Variants in ITIH4 observed in about 807,000 individuals in gnomAD.
The protein encoded by ITIH4 is inter-alpha-trypsin inhibitor heavy chain H4.
In ITIH4, 79 loss-of-function variants were observed where a neutral mutation model predicts 111.8. That is an observed-to-expected ratio of 0.71 (90% CI 0.59 to 0.85). ITIH4 has a LOEUF of 0.85. Ranked by LOEUF, ITIH4 falls within the 40% of genes least tolerant of loss-of-function variation. ITIH4 has a pLI of 0.00. For missense variants in ITIH4, 1,065 were observed against 1,195.8 expected, an observed-to-expected ratio of 0.89 and a Z score of 1.61; for synonymous variants, 472 against 468.3, an observed-to-expected ratio of 1.01 and a Z score of -0.10.
At position 52,820,301 on chromosome 3, in the gene ITIH4, A is replaced by G. The variant is rs754532542; in HGVS notation, c.1851T>C (p.Asn617=). The change falls in exon 14 of 24, where the codon AAT becomes AAC. Residue 617 remains asparagine (N), a synonymous_variant. Coordinates refer to ENST00000266041, the MANE Select transcript of ITIH4 (RefSeq NM_002218.5). Reference sequence around the variant, plus strand: ...ATGTTCGCTGCTTACCTGAGTGGACATTCCTGTTTCTACTTTCTGGATAAA... The same window carrying G: ...ATGTTCGCTGCTTACCTGAGTGGACGTTCCTGTTTCTACTTTCTGGATAAA... ...KPMEGESRNR[N]VHSGSTFFKY... 4 of 1,614,076 alleles carry G rather than the reference A, an allele frequency of 2.5e-6. No individual in the cohort carries two copies. The South Asian group carries it at 4.4e-5, about 18-fold the overall frequency.
In ITIH4 at chr3:52,830,507, G is replaced by A. The variant is rs776385591; in HGVS notation, c.90+46C>T. On this transcript the variant is annotated intron_variant, in intron 1 of 23. Transcript: ENST00000266041. ...GGAGGCTCTTCCCCACTTCCCAGGC[G>A]TTCTCTCATCCCCCAGCTCACGCCA... 1.1e-4 allele frequency: 171 copies of A among 1,562,066 alleles called. 1 individual carries two copies. Among genetic ancestry groups the A allele is most frequent in the Non-Finnish European group, 1.2e-4 (139 of 1,133,016 alleles).
Position 52,823,878 on chromosome 3 carries a change from T to A in ITIH4, c.1298A>T (p.Asn433Ile). The A allele has an allele frequency of 6.2e-7, 1 of 1,613,810 alleles. No homozygotes were observed. Among genetic ancestry groups the A allele is most frequent in the Non-Finnish European group, 8.5e-7 (1 of 1,179,960 alleles). ...YAFLEKLALD[N>I]GGLARRIHED... is the part of the protein sequence containing the mutation. The stretch of plus-strand genomic sequence containing the variant: ...ATGGATGCGCCGGGCCAGGCCGCCA[T>A]TGTCCAGTGCCAGCTTCTCCAGGAA... Residue 433 changes from asparagine to isoleucine, a missense_variant, in exon 10 of 24, where the codon AAT (asparagine) becomes ATT (isoleucine). By Grantham distance (149) the Asn-to-Ile change is moderately radical. Transcript: ENST00000266041.
intron 2 of ITIH4, among the ~76,000 whole-genome samples, chr3:52,827,541 C>T (rs1700504288): frequency 6.6e-6 from 1 of 152,242 alleles, no homozygotes; most frequent in Admixed American, 6.5e-5. Context: ...ACATTCCCAC[C>T]TGCCCCTTCC....
intron 21 of ITIH4, among the ~76,000 whole-genome samples, chr3:52,815,031 G>A (rs1447881383): frequency 6.6e-6 from 1 of 152,148 alleles, no homozygotes; most frequent in African/African-American, 2.4e-5. Flanking sequence ...ATGTCTAAAG[G>A]ATAGGCCTCT....
At position 52,824,778 on chromosome 3, in the gene ITIH4, C is replaced by G; in HGVS notation, c.876+64G>C. 1 of 1,396,144 alleles carries G rather than the reference C, an allele frequency of 7.2e-7. No individual in the cohort carries two copies. The highest frequency in any genetic ancestry group is 1.0e-6 in the Non-Finnish European group (1 of 1,002,962). 86.5% of individuals were successfully genotyped at this position (1,396,144 alleles called of 1,614,324 possible). On this transcript the variant is annotated intron_variant, in intron 7 of 23. Coordinates refer to ENST00000266041, the MANE Select transcript of ITIH4 (RefSeq NM_002218.5). This position sits in a 1 kb window ranked among gnomAD's most constrained non-coding sequence, Gnocchi z 4.3. ...GAAGCAAGGGGGTCTGCCTGCCGGACCACAGCTGATAGCGTGAAGGGCCTG... is the reference window on the plus strand; with the variant it reads ...GAAGCAAGGGGGTCTGCCTGCCGGAGCACAGCTGATAGCGTGAAGGGCCTG...
chr3:52,820,960 G>A (rs761835438), intron 12 of ITIH4, 31 bp downstream of exon 12: 72 of 1,606,748 alleles, frequency 4.5e-5, no homozygotes, highest in Non-Finnish European at 5.6e-5. Flanking sequence ...GCCCCCTAGC[G>A]ACAGGCTTAG....
intron 11 of ITIH4, 150 bp from the exon 12 acceptor site, chr3:52,821,280 G>A (rs1700376934): frequency 1.1e-6 from 1 of 888,562 alleles, no homozygotes; most frequent in Admixed American, 2.6e-5. Flanking sequence ...GGGTAAGGAG[G>A]GGGCTTAGGG....
chr3:52,822,320 G>A (rs557811871), intron 11 of ITIH4: 1 of 152,150 alleles, frequency 6.6e-6, no homozygotes, highest in East Asian at 1.9e-4. Flanking sequence ...TCCAGCCTGG[G>A]AGACAGAGCG....
rs751317325 is a variant in ITIH4, at chr3:52,819,474, T to C, written c.1996A>G (p.Ser666Gly). The C allele has an allele frequency of 6.2e-7, 1 of 1,614,084 alleles. No individual in the cohort carries two copies. The highest frequency in any genetic ancestry group is 1.1e-5 in the South Asian group (1 of 91,084). Residue 666 changes from serine to glycine, a missense_variant, in exon 17 of 24, where the codon AGC becomes GGC. Transcript: ENST00000266041. ...SRMNFRPGVL[S>G]SRQLGLPGPP... Reference sequence around the variant, plus strand: ...CCTGGGAGTCCAAGTTGCCTGGAGCTGAGAACCCCAGGTCTGAAATTCATC... The same window carrying C: ...CCTGGGAGTCCAAGTTGCCTGGAGCCGAGAACCCCAGGTCTGAAATTCATC...
In ITIH4 at chr3:52,829,290, A is replaced by AAAG. The variant is rs758108883; in HGVS notation, c.91-14_91-12dup. On this transcript the variant is annotated splice_polypyrimidine_tract_variant and intron_variant, in intron 1 of 23. Transcript: ENST00000266041. Reference sequence around the variant, plus strand: ...GATGTCGATGCCATTCTGGACCAGCAAAGAAGAAGGGGGTTGCAGGGTTTC... The same window carrying AAAG: ...GATGTCGATGCCATTCTGGACCAGCAAAGAAGAAGAAGGGGGTTGCAGGGTTTC... 2 of 1,597,500 alleles carry AAAG rather than the reference A, an allele frequency of 1.3e-6. No individual in the cohort carries two copies. The highest frequency in any genetic ancestry group is 1.7e-6 in the Non-Finnish European group (2 of 1,166,860).
intron 5 of ITIH4, 86 bp downstream of exon 5, chr3:52,826,455 T>C (rs545973513): frequency 2.8e-5 from 27 of 979,980 alleles, no homozygotes; most frequent in Admixed American, 5.2e-5. Flanking sequence ...GGAGAGCCCA[T>C]CCTGCTTTCC....
intron 11 of ITIH4, 60 bp downstream of exon 11, chr3:52,823,496 C>T: frequency 7.0e-7 from 1 of 1,435,836 alleles, no homozygotes; most frequent in South Asian, 1.3e-5. Flanking sequence ...GAGTCCAGCC[C>T]CTCTGGCTGC....
intron 1 of ITIH4, chr3:52,830,271 A>G (rs1162073902): frequency 4.1e-6 from 2 of 488,066 alleles, no homozygotes; most frequent in Non-Finnish European, 3.9e-6. Context: ...AGCATAAATC[A>G]TTCTCCTGAG....
rs764677688 is a variant in ITIH4, at chr3:52,826,532, C to T, written c.630+9G>A. 8.1e-6 allele frequency: 13 copies of T among 1,607,812 alleles called. No homozygotes were observed. In the South Asian group the frequency reaches 1.1e-4, roughly 14 times the overall value. On this transcript the variant is annotated intron_variant, in intron 5 of 23. Transcript: ENST00000266041. ...TGGTACCCTCACCTGCTGACCACAA[C>T]AGGCCCACCTTGGTCTTATTCTGCC...
At chr3:52,819,245 C>A in intron 17 of ITIH4, 148 bp downstream of exon 17, 1 of 857,736 alleles carries the variant, frequency 1.2e-6, no homozygotes. Context: ...CCAGGTTGAA[C>A]TGACCCACAA....
At chr3:52,827,247 T>C (rs1700498081) in intron 2 of ITIH4, 50 bp from the exon 3 acceptor site, 6 of 1,411,402 alleles carry the variant, frequency 4.3e-6, no homozygotes, top group South Asian at 1.1e-5. Context: ...CAGGGGCCCA[T>C]TCCACTCCTG....
At chr3:52,813,592 T>C in intron 23 of ITIH4, 102 bp from the exon 24 acceptor site, 1 of 991,156 alleles carries the variant, frequency 1.0e-6, no homozygotes. Context: ...GGGCAGGGAG[T>C]CCTGGCGTCC....
In ITIH4 at chr3:52,824,053, A is replaced by G. The variant is rs781162696; in HGVS notation, c.1172-49T>C. The G allele has an allele frequency of 5.2e-5, 80 of 1,544,076 alleles. 3 individuals are homozygous for G. In the South Asian group the frequency reaches 8.9e-4, roughly 17 times the overall value. On this transcript the variant is annotated intron_variant, in intron 9 of 23. Coordinates refer to ENST00000266041, the MANE Select transcript of ITIH4 (RefSeq NM_002218.5). The surrounding 1 kb of genome is among the most constrained non-coding windows in gnomAD (Gnocchi z 4.3). ...GGGTGAGAAAATAGTGATTTGCTTG[A>G]AGAATATTTCTGGAACCTCAGAGCC...
chr3:52,821,524 G>A (rs1012484068), intron 11 of ITIH4, among the ~76,000 whole-genome samples: 3 of 152,174 alleles, frequency 2.0e-5, no homozygotes, highest in African/African-American at 4.8e-5. Context: ...AAAGCTGAGG[G>A]AAAGGGACAG....
Sources: gnomAD v4.1 joint callset for allele counts (sites outside exome capture counted in the v4.1 genomes callset) on GRCh38, gnomAD v4.1.1 for gene constraint, Gnocchi (gnomAD v3.1) non-coding constraint, MANE v1.5 for transcripts, NCBI Gene and HGNC (gene_info 2026-07-23, HGNC 2026-07-21) for gene names.